Variants in GPC5 observed in about 807,000 individuals in gnomAD.
GPC5 encodes the protein glypican-5.
Under a neutral mutation model 53.9 loss-of-function variants are expected in GPC5, and 47 were observed. The observed-to-expected ratio is 0.87, with a 90% confidence interval of 0.69 to 1.11. The LOEUF is 1.11. GPC5 is among the 50% of genes most tolerant of loss of function. GPC5 has a pLI of 0.00. For synonymous variants in GPC5, 286 were observed against 263.3 expected (o/e 1.09, Z -0.84); for missense variants, 748 against 713.1 (o/e 1.05, Z -0.56).
intron 6 of GPC5, among the ~76,000 whole-genome samples, chr13:91,980,772 C>T (rs1201013689): frequency 2.6e-5 from 4 of 152,154 alleles, no homozygotes; most frequent in Non-Finnish European, 5.9e-5. Context: ...CCAGGATCCC[C>T]TGTCATGTCC....
At chr13:91,939,867 C>T (rs2039908629) in intron 6 of GPC5, among the ~76,000 whole-genome samples, 1 of 152,148 alleles carries the variant, frequency 6.6e-6, no homozygotes, top group Admixed American at 6.5e-5. Flanking sequence ...TGCTCTACCC[C>T]TGTAATCATA....
At chr13:91,944,427 G>A (rs9589374) in intron 6 of GPC5, among the ~76,000 whole-genome samples, 3,355 of 152,196 alleles carry the variant, frequency 0.022, 126 homozygotes, top group African/African-American at 0.074. Context: ...ATTTGCCTTT[G>A]TGCCATTTAA....
At chr13:91,944,982 C>T (rs886856708) in intron 6 of GPC5, among the ~76,000 whole-genome samples, 5 of 152,114 alleles carry the variant, frequency 3.3e-5, no homozygotes, top group Non-Finnish European at 7.4e-5. Flanking sequence ...GATTAAACCC[C>T]AAACAATAAT....
intron 7 of GPC5, among the ~76,000 whole-genome samples, chr13:92,493,757 G>C (rs1879854533): frequency 6.6e-6 from 1 of 152,150 alleles, no homozygotes; most frequent in African/African-American, 2.4e-5. Flanking sequence ...TTTGGATTCA[G>C]AAAGATCCAG....
intron 7 of GPC5, among the ~76,000 whole-genome samples, chr13:92,164,652 C>A (rs1283424121): frequency 1.3e-5 from 2 of 152,146 alleles, no homozygotes; most frequent in Non-Finnish European, 2.9e-5. Context: ...AGTGGATATA[C>A]CATTCTGGGG....
At chr13:92,561,860 G>A (rs1187792449) in intron 7 of GPC5, among the ~76,000 whole-genome samples, 1 of 152,092 alleles carries the variant, frequency 6.6e-6, no homozygotes, top group African/African-American at 2.4e-5. Flanking sequence ...AGGAGATAAA[G>A]TTGTGGATAT....
chr13:92,660,139 G>T (rs1886284830), intron 7 of GPC5, among the ~76,000 whole-genome samples: 2 of 152,094 alleles, frequency 1.3e-5, no homozygotes, highest in Admixed American at 1.3e-4. Flanking sequence ...AAGTTTATAT[G>T]AATGGAACCA....
chr13:92,372,395 A>C (rs1042148046), intron 7 of GPC5, among the ~76,000 whole-genome samples: 3 of 152,196 alleles, frequency 2.0e-5, no homozygotes, highest in Non-Finnish European at 4.4e-5. Flanking sequence ...GGATATTACA[A>C]ATATCTGTAA....
In GPC5 at chr13:92,100,065, T is replaced by C. The variant is rs574216950; in HGVS notation, c.1402-44765T>C. Among the ~76,000 whole-genome samples the C allele has an allele frequency of 3.5e-3, 539 of 151,986 alleles. 5 individuals carry two copies. The highest frequency in any genetic ancestry group is 4.9e-3 in the Non-Finnish European group (330 of 67,938). ...CATCCTCTATGACCTGAGCGTAAACTCCTGCCAACAGTCAGCAAAAAGCCA... is the reference window on the plus strand; with the variant it reads ...CATCCTCTATGACCTGAGCGTAAACCCCTGCCAACAGTCAGCAAAAAGCCA... On this transcript the variant is annotated intron_variant, in intron 6 of 7. Coordinates refer to ENST00000377067, the MANE Select transcript of GPC5 (RefSeq NM_004466.6).
At chr13:92,320,643 G>A (rs887232826) in intron 7 of GPC5, among the ~76,000 whole-genome samples, 6 of 152,030 alleles carry the variant, frequency 3.9e-5, no homozygotes, top group Admixed American at 1.3e-4. Flanking sequence ...CCTTGATAAG[G>A]GAAAATATAC....
chr13:91,884,104 A>T (rs1159292337), intron 5 of GPC5, among the ~76,000 whole-genome samples: 1 of 152,170 alleles, frequency 6.6e-6, no homozygotes, highest in Non-Finnish European at 1.5e-5. Flanking sequence ...AAAATAACAG[A>T]TGCTGGTAAT....
chr13:92,206,161 T>TG (rs796465599), intron 7 of GPC5, among the ~76,000 whole-genome samples: 898 of 42,454 alleles, frequency 0.021, 30 homozygotes, highest in African/African-American at 0.13. Context: ...TTTTATTTTT[T>TG]TTTTTATTTT....
intron 7 of GPC5, among the ~76,000 whole-genome samples, chr13:92,550,677 A>T (rs1441691344): frequency 2.6e-5 from 4 of 151,946 alleles, no homozygotes; most frequent in African/African-American, 9.7e-5. Context: ...GTCAAAACTC[A>T]GTAAAGGTAC....
intron 7 of GPC5, among the ~76,000 whole-genome samples, chr13:92,561,358 C>G (rs1368028142): frequency 6.6e-6 from 1 of 152,002 alleles, no homozygotes; most frequent in Non-Finnish European, 1.5e-5. Flanking sequence ...AGCGCGTGGT[C>G]TCTGGCTCAT....
At chr13:92,315,089 C>T (rs2043170177) in intron 7 of GPC5, among the ~76,000 whole-genome samples, 1 of 152,072 alleles carries the variant, frequency 6.6e-6, no homozygotes, top group African/African-American at 2.4e-5. Flanking sequence ...GAATAGTGTC[C>T]TCAATTGAGA....
At chr13:91,548,821 G>GT (rs367856037) in intron 2 of GPC5, among the ~76,000 whole-genome samples, 9 of 152,294 alleles carry the variant, frequency 5.9e-5, no homozygotes, top group African/African-American at 2.2e-4. Flanking sequence ...CTGATCTTTG[G>GT]TGAATGAGCA....
chr13:91,793,843 C>T (rs1223025475), intron 5 of GPC5, among the ~76,000 whole-genome samples: 1 of 152,122 alleles, frequency 6.6e-6, no homozygotes, highest in Non-Finnish European at 1.5e-5. Flanking sequence ...CATTCACTAT[C>T]ATGAGACCAG....
intron 7 of GPC5, among the ~76,000 whole-genome samples, chr13:92,293,172 A>G (rs1229479914): frequency 6.6e-6 from 1 of 151,650 alleles, no homozygotes; most frequent in Non-Finnish European, 1.5e-5. Context: ...TTCCATATGA[A>G]TTTTAGAATT....
intron 5 of GPC5, among the ~76,000 whole-genome samples, chr13:91,904,761 T>G (rs973801813): frequency 1.2e-4 from 18 of 151,968 alleles, no homozygotes; most frequent in African/African-American, 4.3e-4. Context: ...CTGGAAGAGC[T>G]CTCAGCTGTG....
Sources: gnomAD v4.1 joint callset for allele counts (sites outside exome capture counted in the v4.1 genomes callset) on GRCh38, gnomAD v4.1.1 for gene constraint, MANE v1.5 for transcripts, NCBI Gene and HGNC (gene_info 2026-07-23, HGNC 2026-07-21) for gene names.